Variants in ATP6V1C2 observed in about 807,000 individuals in gnomAD.
The protein encoded by ATP6V1C2 is V-type proton ATPase subunit C 2.
Under a neutral mutation model 56.8 loss-of-function variants are expected in ATP6V1C2, and 45 were observed. That is an observed-to-expected ratio of 0.79 (90% CI 0.62 to 1.02). The LOEUF (loss-of-function observed/expected upper bound fraction) is 1.02, where lower values mean the gene tolerates loss of function less well. ATP6V1C2 is among the 50% of genes least tolerant of loss of function. The pLI is 0.00. For missense variants in ATP6V1C2, 463 were observed against 519.7 expected, an observed-to-expected ratio of 0.89 and a Z score of 1.06; for synonymous variants, 220 against 201.3, an observed-to-expected ratio of 1.09 and a Z score of -0.79.
intron 6 of ATP6V1C2, among the ~76,000 whole-genome samples, 197 bp downstream of exon 6, chr2:10,769,007 A>G (rs1182402103): frequency 6.6e-6 from 1 of 151,934 alleles, no homozygotes; most frequent in East Asian, 1.9e-4. Context: ...GGGTGATCAC[A>G]CCCCGTGCAT....
At position 10,784,629 on chromosome 2, in the gene ATP6V1C2, ATTTTCTAT is replaced by A. The variant is rs1156908487; in HGVS notation, c.*1374_*1381del. The A allele has an allele frequency of 6.0e-6, 3 of 501,586 alleles. No individual in the cohort carries two copies. Among genetic ancestry groups the A allele is most frequent in the African/African-American group, 5.8e-5 (3 of 51,500 alleles). The allele number at this position is 501,586 out of a possible 1,614,324, so 31.1% of individuals were successfully genotyped here. Reference sequence around the variant, plus strand: ...AATAAGTGCTAATTTCAAAGCTATCATTTTCTATTTTTCTAAGATAAAGTAAATGAATT... The same window carrying A: ...AATAAGTGCTAATTTCAAAGCTATCATTTTCTAAGATAAAGTAAATGAATT... On this transcript the variant is annotated 3_prime_UTR_variant, in exon 14 of 14. Coordinates refer to ENST00000272238, the MANE Select transcript of ATP6V1C2 (RefSeq NM_001039362.2).
chr2:10,731,141 G>T (rs192382204), intron 3 of ATP6V1C2, among the ~76,000 whole-genome samples: 38 of 151,032 alleles, frequency 2.5e-4, no homozygotes, highest in African/African-American at 9.3e-4. Flanking sequence ...TAGAGACAAG[G>T]TCTTACTATA....
At chr2:10,729,601 A>C (rs985900329) in intron 3 of ATP6V1C2, among the ~76,000 whole-genome samples, 5 of 152,196 alleles carry the variant, frequency 3.3e-5, no homozygotes, top group African/African-American at 9.7e-5. Context: ...CACGCTTGTA[A>C]TCCCAGCACT....
chr2:10,777,439 ATC>A, intron 10 of ATP6V1C2, 144 bp from the exon 11 acceptor site: 1 of 997,670 alleles, frequency 1.0e-6, no homozygotes. Flanking sequence ...CACCTACCAC[ATC>A]TCTAGTCTAG....
intron 3 of ATP6V1C2, among the ~76,000 whole-genome samples, chr2:10,753,143 A>G (rs1366197281): frequency 6.6e-6 from 1 of 152,212 alleles, no homozygotes; most frequent in East Asian, 1.9e-4. Context: ...AAAAGTTTTA[A>G]TGTTCTAATT....
chr2:10,782,461 T>C (rs1665425260), intron 13 of ATP6V1C2, 86 bp downstream of exon 13: 2 of 1,452,302 alleles, frequency 1.4e-6, no homozygotes, highest in Non-Finnish European at 1.9e-6. Flanking sequence ...ATCCCAACAC[T>C]TTGGGAGGTA....
intron 3 of ATP6V1C2, among the ~76,000 whole-genome samples, chr2:10,750,111 C>T (rs1042234347): frequency 2.6e-5 from 4 of 152,158 alleles, no homozygotes; most frequent in Non-Finnish European, 5.9e-5. Context: ...GGGCTGTTTG[C>T]GTTATGTGGA....
chr2:10,773,725 G>C (rs980482226), intron 8 of ATP6V1C2, among the ~76,000 whole-genome samples: 1 of 152,214 alleles, frequency 6.6e-6, no homozygotes, highest in African/African-American at 2.4e-5. Flanking sequence ...GGCCGAGAAG[G>C]TTTGTAATTT....
intron 2 of ATP6V1C2, among the ~76,000 whole-genome samples, chr2:10,724,406 G>A (rs1661527179): frequency 6.6e-6 from 1 of 152,178 alleles, no homozygotes; most frequent in Non-Finnish European, 1.5e-5. Context: ...AGTGTTGTCA[G>A]GCTGGTAAGT....
In ATP6V1C2 at chr2:10,727,090, G is replaced by A. The variant is rs541057415; in HGVS notation, c.197+521G>A. Among the ~76,000 whole-genome samples, 5 of 137,534 alleles carry A rather than the reference G, an allele frequency of 3.6e-5. No homozygotes were observed. The East Asian group carries it at 1.3e-3, about 35-fold the overall frequency. 90.2% of individuals were successfully genotyped at this position (137,534 alleles called of 152,430 possible). A position where few individuals can be genotyped will look rare whatever the true frequency, so the allele number is the denominator to read the frequency against. On this transcript the variant is annotated intron_variant, in intron 3 of 13. Transcript: ENST00000272238. ...CTCCCTCCCTTCCTCCCTTTTTTGA[G>A]ACAGAGTCTCACTCTGTTGCCCAGG...
intron 2 of ATP6V1C2, among the ~76,000 whole-genome samples, chr2:10,723,859 ATG>A (rs1661493594): frequency 3.6e-5 from 5 of 140,740 alleles, no homozygotes; most frequent in African/African-American, 1.1e-4. Context: ...AAAAAAAAGA[ATG>A]AGACATGTGC....
chr2:10,778,495 C>T (rs1467715345), intron 11 of ATP6V1C2, 77 bp from the exon 12 acceptor site: 1 of 1,424,586 alleles, frequency 7.0e-7, no homozygotes, highest in African/African-American at 1.4e-5. Context: ...CGTGCTCTGT[C>T]AAAACCCAAG....
chr2:10,753,768 A>T (rs1663357257), intron 3 of ATP6V1C2, among the ~76,000 whole-genome samples: 1 of 151,830 alleles, frequency 6.6e-6, no homozygotes, highest in Admixed American at 6.6e-5. Flanking sequence ...TGACCTAGTG[A>T]TCCGCCTGCC....
chr2:10,780,509 C>T lies in ATP6V1C2; in HGVS notation c.1062-1734C>T, dbSNP rs982706519. On this transcript the variant is annotated intron_variant, in intron 12 of 13. Coordinates refer to ENST00000272238, the MANE Select transcript of ATP6V1C2 (RefSeq NM_001039362.2). This position sits in a 1 kb window ranked among gnomAD's most constrained non-coding sequence, Gnocchi z 4.1. Reference sequence around the variant, plus strand: ...ACCTGTACCCATGCGCACCTGTGCACGCCCATCTCAAAAGCCTGTACCGAC... The same window carrying T: ...ACCTGTACCCATGCGCACCTGTGCATGCCCATCTCAAAAGCCTGTACCGAC... Among the ~76,000 whole-genome samples, 8 of 152,174 alleles carry T rather than the reference C, an allele frequency of 5.3e-5. No homozygotes were observed. Among genetic ancestry groups the T allele is most frequent in the African/African-American group, 9.7e-5 (4 of 41,446 alleles).
intron 1 of ATP6V1C2, among the ~76,000 whole-genome samples, chr2:10,721,979 A>ATCC (rs1661391224): frequency 1.3e-5 from 2 of 152,280 alleles, no homozygotes; most frequent in Non-Finnish European, 2.9e-5. Flanking sequence ...GGAGAGAACA[A>ATCC]AATGCCCTCG....
In ATP6V1C2 at chr2:10,780,032, C is replaced by A. The variant is rs1047813070; in HGVS notation, c.1061+1363C>A. ...GAGACCCTCTGTGTGACCTTCCGGA[C>A]CCCTTCCCCGCCTGCACTGAGGAGC... On this transcript the variant is annotated intron_variant, in intron 12 of 13. Coordinates refer to ENST00000272238, the MANE Select transcript of ATP6V1C2 (RefSeq NM_001039362.2). The surrounding 1 kb of genome is among the most constrained non-coding windows in gnomAD (Gnocchi z 4.1). 2.0e-5 allele frequency among the ~76,000 whole-genome samples: 3 copies of A among 152,098 alleles called. No homozygotes were observed. The highest frequency in any genetic ancestry group is 4.4e-5 in the Non-Finnish European group (3 of 68,014).
intron 8 of ATP6V1C2, 66 bp from the exon 9 acceptor site, chr2:10,774,722 C>T: frequency 6.9e-7 from 1 of 1,441,878 alleles, no homozygotes; most frequent in African/African-American, 1.4e-5. Context: ...GGCCCGGGGC[C>T]TCTGAGCCCC....
At chr2:10,737,262 A>T (rs1322935123) in intron 3 of ATP6V1C2, among the ~76,000 whole-genome samples, 1 of 64 alleles carries the variant, frequency 0.016, no homozygotes, top group Non-Finnish European at 0.031. Context: ...TAAAAATACA[A>T]AAAAAAAAAA....
intron 3 of ATP6V1C2, among the ~76,000 whole-genome samples, chr2:10,738,886 T>A (rs1172112778): frequency 6.6e-6 from 1 of 152,190 alleles, no homozygotes; most frequent in Non-Finnish European, 1.5e-5. Context: ...CGGAGTCCTG[T>A]GGGCTCCACC....
Sources: gnomAD v4.1 joint callset for allele counts (sites outside exome capture counted in the v4.1 genomes callset) on GRCh38, gnomAD v4.1.1 for gene constraint, Gnocchi (gnomAD v3.1) non-coding constraint, MANE v1.5 for transcripts, NCBI Gene and HGNC (gene_info 2026-07-23, HGNC 2026-07-21) for gene names.